MAF: variants seen among roughly 807,000 people sequenced by gnomAD.
MAF encodes transcription factor Maf.
In MAF, 10 loss-of-function variants were observed where a neutral mutation model predicts 22.0. The ratio of observed to expected loss-of-function variants is 0.45; its 90% CI spans 0.28 to 0.77. MAF has a LOEUF of 0.77. MAF is among the 30% of genes least tolerant of loss of function. MAF has a pLI of 0.12. For synonymous variants in MAF, 337 were observed against 255.8 expected, an observed-to-expected ratio of 1.32 and a Z score of -3.03; for missense variants, 544 against 548.4, an observed-to-expected ratio of 0.99 and a Z score of 0.08.
chr16:79,402,664 A>T, the MAF span, among the ~76,000 whole-genome samples: 4 of 152,228 alleles, frequency 2.6e-5, no homozygotes, highest in African/African-American at 4.8e-5. Flanking sequence ...GTGCGGTTGG[A>T]TAAAGGCCAA....
chr16:79,334,191 A>AC, the MAF span, among the ~76,000 whole-genome samples: 1 of 152,170 alleles, frequency 6.6e-6, no homozygotes, highest in Non-Finnish European at 1.5e-5. Context: ...ACAGAAGACA[A>AC]CCCAAGTGTC....
At chr16:79,371,432 C>T in the MAF span, among the ~76,000 whole-genome samples, 244 of 152,266 alleles carry the variant, frequency 1.6e-3, 1 homozygote, top group Non-Finnish European at 2.8e-3. Flanking sequence ...AATATGTGCT[C>T]ATCTTCAACT....
At chr16:79,545,088 G>T in the MAF span, among the ~76,000 whole-genome samples, 1 of 152,040 alleles carries the variant, frequency 6.6e-6, no homozygotes, top group African/African-American at 2.4e-5. Flanking sequence ...CATTTCTGTT[G>T]TTTGTTTTCC....
the MAF span, among the ~76,000 whole-genome samples, chr16:79,352,527 C>A: frequency 2.0e-5 from 3 of 152,188 alleles, no homozygotes; most frequent in African/African-American, 7.2e-5. Context: ...ATCCATGGAG[C>A]ACTGGGTGCT....
chr16:79,558,147 G>T, the MAF span, among the ~76,000 whole-genome samples: 3 of 150,822 alleles, frequency 2.0e-5, no homozygotes, highest in African/African-American at 5.0e-5. Flanking sequence ...GTGGGTCTTG[G>T]GTTTTTCCTG....
chr16:79,545,726 G>A, the MAF span, among the ~76,000 whole-genome samples: 11 of 152,178 alleles, frequency 7.2e-5, no homozygotes, highest in East Asian at 1.5e-3. Flanking sequence ...AGAGTAGTAC[G>A]GTGGTTACCA....
chr16:79,220,054 A>C, the MAF span, among the ~76,000 whole-genome samples: 8 of 152,088 alleles, frequency 5.3e-5, no homozygotes, highest in African/African-American at 1.4e-4. Context: ...TCAGGAGTTC[A>C]AGACCAGCCT....
the MAF span, among the ~76,000 whole-genome samples, chr16:79,237,101 A>T: frequency 1.3e-5 from 2 of 152,098 alleles, no homozygotes; most frequent in Admixed American, 1.3e-4. Context: ...CATTTCAATT[A>T]AAATGTTTTC....
the MAF span, among the ~76,000 whole-genome samples, chr16:79,383,650 A>C: frequency 6.6e-6 from 1 of 152,132 alleles, no homozygotes; most frequent in East Asian, 1.9e-4. Flanking sequence ...TTTGTGAATT[A>C]TTTTTATTAT....
the MAF span, among the ~76,000 whole-genome samples, chr16:79,474,553 G>A: frequency 1.6e-3 from 250 of 152,300 alleles, no homozygotes; most frequent in Non-Finnish European, 3.3e-3. Flanking sequence ...ATAAAAGGCT[G>A]ATAAGGTTGG....
chr16:79,448,223 C>A, the MAF span, among the ~76,000 whole-genome samples: 1 of 152,114 alleles, frequency 6.6e-6, no homozygotes, highest in African/African-American at 2.4e-5. Flanking sequence ...ATGAATGCAG[C>A]AAACTTCATT....
At chr16:79,483,004 T>C in the MAF span, among the ~76,000 whole-genome samples, 1 of 16,346 alleles carries the variant, frequency 6.1e-5, no homozygotes. Flanking sequence ...CACTCCCTCC[T>C]TCCCTCCCTC....
At chr16:79,550,130 CA>C in the MAF span, among the ~76,000 whole-genome samples, 2 of 152,136 alleles carry the variant, frequency 1.3e-5, no homozygotes, top group Non-Finnish European at 2.9e-5. Flanking sequence ...TTTGTTCCCC[CA>C]GGGCATCTGC....
the MAF span, among the ~76,000 whole-genome samples, chr16:79,472,774 G>A: frequency 6.6e-6 from 1 of 151,930 alleles, no homozygotes; most frequent in African/African-American, 2.4e-5. Flanking sequence ...TTATAGTAAT[G>A]TATATAAATT....
the MAF span, among the ~76,000 whole-genome samples, chr16:79,260,655 C>T: frequency 1.6e-4 from 25 of 152,288 alleles, 1 homozygote; most frequent in East Asian, 3.1e-3. Flanking sequence ...TGCCGATCTT[C>T]GGCATTGACC....
the MAF span, among the ~76,000 whole-genome samples, chr16:79,257,704 T>C: frequency 4.5e-4 from 69 of 152,306 alleles, no homozygotes; most frequent in African/African-American, 9.4e-4. Context: ...AGTCTGTACA[T>C]GTAATTTGTG....
At chr16:79,470,749 G>A in the MAF span, among the ~76,000 whole-genome samples, 4 of 152,174 alleles carry the variant, frequency 2.6e-5, no homozygotes, top group Non-Finnish European at 5.9e-5. Context: ...TGGGGCCATA[G>A]AAGGCACTCC....
the MAF span, among the ~76,000 whole-genome samples, chr16:79,522,077 G>A: frequency 6.6e-6 from 1 of 152,304 alleles, no homozygotes; most frequent in African/African-American, 2.4e-5. Flanking sequence ...AGAATCTGAG[G>A]TGTGTAGGGG....
At chr16:79,408,930 A>C in the MAF span, among the ~76,000 whole-genome samples, 1 of 142,608 alleles carries the variant, frequency 7.0e-6, no homozygotes, top group Non-Finnish European at 1.5e-5. Context: ...TTGTAACTGT[A>C]GAAGTAGGTA....
Sources: gnomAD v4.1 joint callset for allele counts (sites outside exome capture counted in the v4.1 genomes callset) on GRCh38, gnomAD v4.1.1 for gene constraint, MANE v1.5 for transcripts, NCBI Gene and HGNC (gene_info 2026-07-23, HGNC 2026-07-21) for gene names.